Variants in PLCB4 observed in about 807,000 individuals in gnomAD.
PLCB4 encodes 1-phosphatidylinositol 4,5-bisphosphate phosphodiesterase beta-4.
A neutral mutation model predicts 178.8 loss-of-function variants in PLCB4; 77 were observed. The observed-to-expected ratio is 0.43, with a 90% CI of 0.36 to 0.52. The LOEUF is 0.52. Ranked by LOEUF, PLCB4 falls within the 20% of genes least tolerant of loss-of-function variation. The pLI, the probability that PLCB4 is intolerant of heterozygous loss-of-function variation, is 0.00. For missense variants in PLCB4, 1,024 were observed against 1,453.4 expected, an observed-to-expected ratio of 0.70 and a Z score of 4.80; for synonymous variants, 496 against 490.8, an observed-to-expected ratio of 1.01 and a Z score of -0.14.
At position 9,301,052 on chromosome 20, in the gene PLCB4, TC is replaced by T. The variant is rs550409918; in HGVS notation, c.-15-6747del. ...TCTTCTTGAACTGTGGCTACATCAC[TC>T]TAATCTCTGCCTCCGTAGTCGCATT... On this transcript the variant is annotated intron_variant, in intron 3 of 39. Coordinates refer to ENST00000378473, the MANE Select transcript of PLCB4 (RefSeq NM_001377142.1). 1.6e-3 allele frequency among the ~76,000 whole-genome samples: 236 copies of T among 151,694 alleles called. 3 individuals carry two copies. Among genetic ancestry groups the T allele is most frequent in the Middle Eastern group, 6.8e-3 (2 of 294 alleles).
chr20:9,266,035 T>C (rs2094346052), intron 3 of PLCB4, among the ~76,000 whole-genome samples: 1 of 152,204 alleles, frequency 6.6e-6, no homozygotes, highest in African/African-American at 2.4e-5. Context: ...TTACCTGTGG[T>C]GAAGAGAAAT....
intron 35 of PLCB4, among the ~76,000 whole-genome samples, chr20:9,467,537 A>G (rs1301606099): frequency 6.6e-6 from 1 of 152,244 alleles, no homozygotes; most frequent in African/African-American, 2.4e-5. Flanking sequence ...CTTCCTCATG[A>G]TCACAACTAT....
At chr20:9,281,080 T>A (rs919001486) in intron 3 of PLCB4, among the ~76,000 whole-genome samples, 3 of 152,000 alleles carry the variant, frequency 2.0e-5, no homozygotes, top group Admixed American at 6.6e-5. Context: ...AAAGAATCGT[T>A]CTATTAAATT....
chr20:9,302,212 T>A (rs1247403196), intron 3 of PLCB4, among the ~76,000 whole-genome samples: 1 of 152,008 alleles, frequency 6.6e-6, no homozygotes, highest in Non-Finnish European at 1.5e-5. Flanking sequence ...GGGTTGGGAT[T>A]TGAGATAATT....
intron 2 of PLCB4, among the ~76,000 whole-genome samples, chr20:9,131,499 G>A (rs2092272085): frequency 1.3e-5 from 2 of 152,154 alleles, no homozygotes; most frequent in African/African-American, 4.8e-5. Flanking sequence ...GTGGTTAAGG[G>A]CATAGCCTCT....
At chr20:9,341,856 T>A (rs1416236536) in intron 7 of PLCB4, among the ~76,000 whole-genome samples, 1 of 152,150 alleles carries the variant, frequency 6.6e-6, no homozygotes, top group African/African-American at 2.4e-5. Flanking sequence ...TAAAAAATAA[T>A]TCTGTATTGG....
In PLCB4 at chr20:9,316,846, A is replaced by G. The variant is rs6056533; in HGVS notation, c.84+8948A>G. ...TCAGGCCTGTTCCTTCCTCTAGACC[A>G]GCCTTTGAAATAACAGTGCTGATAA... On this transcript the variant is annotated intron_variant, in intron 4 of 39. Transcript: ENST00000378473. Among the ~76,000 whole-genome samples, 634 of 152,292 alleles carry G rather than the reference A, an allele frequency of 4.2e-3. 5 individuals are homozygous for G. The highest frequency in any genetic ancestry group is 0.017 in the Middle Eastern group (5 of 294).
intron 4 of PLCB4, among the ~76,000 whole-genome samples, chr20:9,332,980 C>T (rs1446412120): frequency 6.6e-6 from 1 of 152,166 alleles, no homozygotes; most frequent in African/African-American, 2.4e-5. Flanking sequence ...AAAGGGACTC[C>T]TGCCTTTAGG....
chr20:9,314,838 A>C (rs1169083126), intron 4 of PLCB4, among the ~76,000 whole-genome samples: 1 of 150,628 alleles, frequency 6.6e-6, no homozygotes, highest in East Asian at 2.0e-4. Context: ...TCACCCTCTT[A>C]TGTGGGTGAT....
intron 12 of PLCB4, among the ~76,000 whole-genome samples, chr20:9,377,169 G>A (rs775828929): frequency 1.4e-4 from 21 of 152,160 alleles, no homozygotes; most frequent in Non-Finnish European, 2.6e-4. Flanking sequence ...CAGTAAGGAC[G>A]TAATACTGGA....
chr20:9,466,038 T>C (rs1302492949), intron 35 of PLCB4, among the ~76,000 whole-genome samples: 1 of 152,142 alleles, frequency 6.6e-6, no homozygotes, highest in African/African-American at 2.4e-5. Context: ...TAAACTATAC[T>C]ACAAGGCTAC....
intron 3 of PLCB4, among the ~76,000 whole-genome samples, chr20:9,272,883 ATT>A (rs201282723): frequency 3.8e-5 from 5 of 131,844 alleles, no homozygotes; most frequent in African/African-American, 1.1e-4. Context: ...GGTTACAGGG[ATT>A]TTTTTTTTTT....
At chr20:9,123,223 ATTC>A (rs2092015530) in intron 2 of PLCB4, among the ~76,000 whole-genome samples, 1 of 152,130 alleles carries the variant, frequency 6.6e-6, no homozygotes, top group Admixed American at 6.5e-5. Context: ...AAAAAAGTAT[ATTC>A]TTCACTACCT....
chr20:9,357,374 C>G (rs1273804795), intron 7 of PLCB4, among the ~76,000 whole-genome samples: 2 of 152,108 alleles, frequency 1.3e-5, no homozygotes, highest in African/African-American at 4.8e-5. Context: ...ATTTGTTCAG[C>G]CCAGGTGGGG....
chr20:9,331,838 C>G (rs1220776944), intron 4 of PLCB4, among the ~76,000 whole-genome samples: 1 of 152,140 alleles, frequency 6.6e-6, no homozygotes. Context: ...ACAAACCCCT[C>G]AGAGTGGGGA....
chr20:9,370,513 C>T (rs2036158174), intron 9 of PLCB4, among the ~76,000 whole-genome samples: 2 of 152,192 alleles, frequency 1.3e-5, no homozygotes, highest in Non-Finnish European at 2.9e-5. Flanking sequence ...TTATTGTCAA[C>T]ATGAGGGTTT....
At chr20:9,335,156 C>T (rs2032273306) in intron 4 of PLCB4, among the ~76,000 whole-genome samples, 1 of 152,042 alleles carries the variant, frequency 6.6e-6, no homozygotes, top group Admixed American at 6.6e-5. Flanking sequence ...TCAGGATATT[C>T]ATTGGGATAT....
At chr20:9,131,562 G>A (rs1486323813) in intron 2 of PLCB4, among the ~76,000 whole-genome samples, 1 of 152,142 alleles carries the variant, frequency 6.6e-6, no homozygotes, top group Non-Finnish European at 1.5e-5. Context: ...TATGGTGGTT[G>A]CAGTTTTAAT....
At chr20:9,260,415 A>C (rs1033686816) in intron 3 of PLCB4, among the ~76,000 whole-genome samples, 9 of 152,100 alleles carry the variant, frequency 5.9e-5, no homozygotes, top group African/African-American at 2.2e-4. Context: ...ATAATTTGTC[A>C]GTATTAAATT....
Sources: gnomAD v4.1 joint callset for allele counts (sites outside exome capture counted in the v4.1 genomes callset) on GRCh38, gnomAD v4.1.1 for gene constraint, MANE v1.5 for transcripts, NCBI Gene and HGNC (gene_info 2026-07-23, HGNC 2026-07-21) for gene names.